PLCB1: variants seen among roughly 807,000 people sequenced by gnomAD.
PLCB1 encodes 1-phosphatidylinositol 4,5-bisphosphate phosphodiesterase beta-1.
PLCB1 carries 46 observed loss-of-function variants against 161.8 expected under a neutral mutation model. The ratio of observed to expected loss-of-function variants is 0.28; its 90% confidence interval spans 0.22 to 0.36. PLCB1 has a LOEUF of 0.36. Ranked by LOEUF, PLCB1 falls within the 10% of genes least tolerant of loss-of-function variation. The pLI is 1.00. For synonymous variants in PLCB1, 517 were observed against 503.7 expected (o/e 1.03, Z -0.35); for missense variants, 1,016 against 1,472.5 (o/e 0.69, Z 5.07).
intron 31 of PLCB1, among the ~76,000 whole-genome samples, chr20:8,857,643 T>C (rs921586562): frequency 2.6e-5 from 4 of 152,228 alleles, no homozygotes; most frequent in Non-Finnish European, 5.9e-5. Context: ...TAAATTGTCT[T>C]CTGAAGTAAC....
At position 8,132,719 on chromosome 20, in the gene PLCB1, A is replaced by C. The variant is rs755695445; in HGVS notation, c.68A>C (p.Lys23Thr). ...CCCGTGTGCGTGTCCGACAGCCTCA[A>C]GAAGGGCACCAAATTCGTCAAGTGG... ...LKPVCVSDSL[K>T]KGTKFVKWDD... Residue 23 changes from lysine (K) to threonine (T), a missense_variant, in exon 1 of 32, where the codon AAG (lysine) becomes ACG (threonine). Lys to Thr is a moderately conservative substitution (Grantham distance 78, BLOSUM62 -1). Around this residue, in one of 10 missense-constraint regions of PLCB1, gnomAD observed 181 missense variants for 236.7 expected, o/e 0.76. Coordinates refer to ENST00000338037, the MANE Select transcript of PLCB1 (RefSeq NM_015192.4). The surrounding 1 kb of genome is among the most constrained non-coding windows in gnomAD (Gnocchi z 5.2). 1.9e-6 allele frequency: 3 copies of C among 1,612,934 alleles called. No homozygotes were observed. In the South Asian group the frequency reaches 3.3e-5, roughly 18 times the overall value.
intron 12 of PLCB1, among the ~76,000 whole-genome samples, chr20:8,710,832 A>G (rs189311363): frequency 5.9e-5 from 9 of 152,280 alleles, no homozygotes; most frequent in Admixed American, 5.2e-4. Context: ...TAAATTAGAC[A>G]AAATGAAAGG....
chr20:8,735,999 G>A (rs1262456951), intron 19 of PLCB1, among the ~76,000 whole-genome samples: 1 of 152,172 alleles, frequency 6.6e-6, no homozygotes, highest in Non-Finnish European at 1.5e-5. Flanking sequence ...TTCTGGCCCA[G>A]CCATAATTCT....
intron 3 of PLCB1, among the ~76,000 whole-genome samples, chr20:8,575,083 G>T (rs1986635407): frequency 6.6e-6 from 1 of 152,220 alleles, no homozygotes. Flanking sequence ...CCAACCCATA[G>T]ATTGGCTTAT....
At chr20:8,684,869 AAG>A (rs112883317) in intron 9 of PLCB1, 61 bp from the exon 10 acceptor site, 1 of 1,350,606 alleles carries the variant, frequency 7.4e-7, no homozygotes. Context: ...AAAAAAAAAA[AAG>A]AGGCGACTTG....
At chr20:8,144,104 T>C (rs1450072235) in intron 1 of PLCB1, among the ~76,000 whole-genome samples, 2 of 152,130 alleles carry the variant, frequency 1.3e-5, no homozygotes, top group Non-Finnish European at 2.9e-5. Context: ...TTTAAAAGTA[T>C]CCGGCCAGTT....
At chr20:8,173,987 C>G (rs2123074001) in intron 2 of PLCB1, among the ~76,000 whole-genome samples, 1 of 152,176 alleles carries the variant, frequency 6.6e-6, no homozygotes, top group South Asian at 2.1e-4. Context: ...ATGAACTGAG[C>G]TCCGGGGACC....
At chr20:8,325,848 A>T (rs1485378421) in intron 2 of PLCB1, among the ~76,000 whole-genome samples, 1 of 152,214 alleles carries the variant, frequency 6.6e-6, no homozygotes, top group East Asian at 1.9e-4. Context: ...GCCAGAAAGT[A>T]CAGAGGATGA....
intron 2 of PLCB1, among the ~76,000 whole-genome samples, chr20:8,293,575 C>G (rs1346114963): frequency 6.6e-6 from 1 of 151,522 alleles, no homozygotes; most frequent in Non-Finnish European, 1.5e-5. Flanking sequence ...CACTGGAAGT[C>G]TGGTGCCATT....
intron 31 of PLCB1, chr20:8,792,799 G>T (rs1983828337): frequency 2.8e-6 from 1 of 360,474 alleles, no homozygotes; most frequent in Non-Finnish European, 5.5e-6. Context: ...AACATTGTAG[G>T]ACATGGTGGT....
In PLCB1 at chr20:8,283,910, T is replaced by G. The variant is rs141804500; in HGVS notation, c.178-87472T>G. ...TCTATATGACCGTTATCTGTTTTTC[T>G]ACTTATAAATTTATGAAAACTCTTT... is the stretch of plus-strand genomic sequence containing the variant. On this transcript the variant is annotated intron_variant, in intron 2 of 31. Coordinates refer to ENST00000338037, the MANE Select transcript of PLCB1 (RefSeq NM_015192.4). Among the ~76,000 whole-genome samples the G allele has an allele frequency of 2.4e-3, 361 of 152,242 alleles. 2 individuals carry two copies. Among genetic ancestry groups the G allele is most frequent in the Admixed American group, 0.017 (262 of 15,284 alleles).
At chr20:8,731,698 A>G (rs1011500753) in intron 18 of PLCB1, among the ~76,000 whole-genome samples, 8 of 151,934 alleles carry the variant, frequency 5.3e-5, no homozygotes, top group Admixed American at 1.3e-4. Context: ...CTAATATATA[A>G]TTATCCTTTT....
intron 3 of PLCB1, among the ~76,000 whole-genome samples, chr20:8,594,252 C>A (rs1987249594): frequency 2.0e-5 from 3 of 152,090 alleles, no homozygotes; most frequent in Admixed American, 2.0e-4. Flanking sequence ...TTGATGTATT[C>A]TAAACTCGAC....
chr20:8,842,534 C>T (rs1346557639), intron 31 of PLCB1, among the ~76,000 whole-genome samples: 7 of 152,054 alleles, frequency 4.6e-5, no homozygotes, highest in Non-Finnish European at 4.4e-5. Context: ...CAGGACGAGC[C>T]GCAGACAAGA....
intron 2 of PLCB1, among the ~76,000 whole-genome samples, chr20:8,164,278 C>T (rs2051654862): frequency 6.6e-6 from 1 of 152,116 alleles, no homozygotes; most frequent in South Asian, 2.1e-4. Context: ...CCTTGGTTCC[C>T]TTGGTTGAAT....
At chr20:8,340,826 G>T (rs1263937368) in intron 2 of PLCB1, among the ~76,000 whole-genome samples, 1 of 152,198 alleles carries the variant, frequency 6.6e-6, no homozygotes, top group Admixed American at 6.5e-5. Flanking sequence ...ATGTTCCTGT[G>T]ATCTCATGGA....
chr20:8,436,028 G>A (rs1255303729), intron 3 of PLCB1, among the ~76,000 whole-genome samples: 1 of 152,060 alleles, frequency 6.6e-6, no homozygotes, highest in Admixed American at 6.5e-5. Flanking sequence ...ACTTCTCTTG[G>A]AAGTTCCATC....
intron 4 of PLCB1, among the ~76,000 whole-genome samples, chr20:8,642,758 A>G (rs1988997312): frequency 6.6e-6 from 1 of 152,218 alleles, no homozygotes; most frequent in Admixed American, 6.5e-5. Context: ...TACTCTGTGT[A>G]GTTAAATCTC....
intron 31 of PLCB1, among the ~76,000 whole-genome samples, chr20:8,802,753 G>C (rs1472769740): frequency 2.0e-5 from 3 of 152,154 alleles, no homozygotes; most frequent in Non-Finnish European, 4.4e-5. Context: ...AGAGCTCTTG[G>C]AAATATCTCA....
Sources: gnomAD v4.1 joint callset for allele counts (sites outside exome capture counted in the v4.1 genomes callset) on GRCh38, gnomAD v4.1.1 for gene constraint, gnomAD v4.1.1 regional missense constraint, Gnocchi (gnomAD v3.1) non-coding constraint, MANE v1.5 for transcripts, NCBI Gene and HGNC (gene_info 2026-07-23, HGNC 2026-07-21) for gene names.